Variants in ZFHX3 observed in about 807,000 individuals in gnomAD.
The protein encoded by ZFHX3 is zinc finger homeobox protein 3.
A neutral mutation model predicts 279.1 loss-of-function variants in ZFHX3; 42 were observed. The observed-to-expected ratio is 0.15, with a 90% confidence interval of 0.12 to 0.19. ZFHX3 has a LOEUF of 0.19. ZFHX3 is among the 10% of genes least tolerant of loss of function. The pLI is 1.00. For synonymous variants in ZFHX3, 2,293 were observed against 1,957.8 expected, an observed-to-expected ratio of 1.17 and a Z score of -4.52; for missense variants, 4,981 against 4,754.0, an observed-to-expected ratio of 1.05 and a Z score of -1.40.
intron 2 of ZFHX3, among the ~76,000 whole-genome samples, chr16:73,465,472 C>G (rs1056197441): frequency 1.3e-5 from 2 of 152,150 alleles, no homozygotes; most frequent in Non-Finnish European, 2.9e-5. Context: ...CCTCCTGGTG[C>G]CTCTGAGGTC....
At chr16:73,422,910 T>G (rs1448395148) in intron 3 of ZFHX3, among the ~76,000 whole-genome samples, 2 of 152,160 alleles carry the variant, frequency 1.3e-5, no homozygotes, top group Non-Finnish European at 2.9e-5. Flanking sequence ...AGGCTACAGG[T>G]TCTGGGAGGG....
intron 2 of ZFHX3, chr16:73,483,199 C>G (rs902878405): frequency 1.4e-5 from 5 of 345,370 alleles, no homozygotes; most frequent in South Asian, 2.2e-5. Context: ...AGGAAGAGAA[C>G]GCGTGGGCCC....
chr16:73,265,855 G>A (rs2013958877), intron 4 of ZFHX3, among the ~76,000 whole-genome samples: 1 of 152,206 alleles, frequency 6.6e-6, no homozygotes, highest in South Asian at 2.1e-4. Flanking sequence ...GCTGGTCAAA[G>A]CATAAAGGGT....
chr16:73,140,789 G>C (rs1213203620), intron 6 of ZFHX3, among the ~76,000 whole-genome samples: 1 of 152,170 alleles, frequency 6.6e-6, no homozygotes, highest in Non-Finnish European at 1.5e-5. Context: ...GGGAGGTGGA[G>C]GTTGCAGTGA....
chr16:73,419,660 A>C (rs1309718385), intron 3 of ZFHX3, among the ~76,000 whole-genome samples: 1 of 151,832 alleles, frequency 6.6e-6, no homozygotes, highest in Non-Finnish European at 1.5e-5. Flanking sequence ...CCCAGGCTGG[A>C]CTTGAACTGC....
intron 7 of ZFHX3, among the ~76,000 whole-genome samples, chr16:73,118,401 G>A (rs545157403): frequency 6.6e-6 from 1 of 152,198 alleles, no homozygotes; most frequent in East Asian, 1.9e-4. Context: ...TAGAGATGGG[G>A]TTTCATCATG....
At chr16:73,584,635 A>T (rs780942086) in intron 2 of ZFHX3, among the ~76,000 whole-genome samples, 1 of 152,226 alleles carries the variant, frequency 6.6e-6, no homozygotes, top group Non-Finnish European at 1.5e-5. Context: ...AAATTTTTGT[A>T]AAGTCAAAGA....
chr16:73,750,125 C>T (rs1035090637), intron 1 of ZFHX3, among the ~76,000 whole-genome samples: 1 of 152,140 alleles, frequency 6.6e-6, no homozygotes, highest in African/African-American at 2.4e-5. Flanking sequence ...GAGAAAGGAA[C>T]TCAATAGGGA....
intron 5 of ZFHX3, among the ~76,000 whole-genome samples, chr16:72,815,648 T>C (rs1360397441): frequency 6.6e-6 from 1 of 152,210 alleles, no homozygotes; most frequent in Non-Finnish European, 1.5e-5. Flanking sequence ...CTTTGAAGGC[T>C]TTTCTAAACT....
chr16:73,875,788 T>C (rs536649694), intron 1 of ZFHX3, among the ~76,000 whole-genome samples: 9 of 152,352 alleles, frequency 5.9e-5, no homozygotes, highest in East Asian at 1.9e-4. Flanking sequence ...TACATATGTA[T>C]GCAGTTACGC....
intron 1 of ZFHX3, among the ~76,000 whole-genome samples, chr16:73,691,878 G>A (rs1264615658): frequency 1.3e-5 from 2 of 152,180 alleles, no homozygotes; most frequent in Non-Finnish European, 2.9e-5. Flanking sequence ...TGTTTAAGGA[G>A]CACCTCCTCT....
At chr16:73,725,880 G>A (rs898858242) in intron 1 of ZFHX3, among the ~76,000 whole-genome samples, 1 of 152,112 alleles carries the variant, frequency 6.6e-6, no homozygotes, top group African/African-American at 2.4e-5. Flanking sequence ...CAACTCTGTG[G>A]TCACCCCACT....
intron 2 of ZFHX3, among the ~76,000 whole-genome samples, chr16:73,580,474 C>T (rs976090235): frequency 2.8e-5 from 4 of 144,184 alleles, no homozygotes; most frequent in South Asian, 2.3e-4. Context: ...GAGACTCCGT[C>T]TCAAAAAAAC....
At chr16:73,764,522 G>A (rs2053907015) in intron 1 of ZFHX3, among the ~76,000 whole-genome samples, 1 of 152,226 alleles carries the variant, frequency 6.6e-6, no homozygotes, top group African/African-American at 2.4e-5. Context: ...TGTAAAATTA[G>A]GTCAGCGGCT....
chr16:73,030,042 C>T (rs2144673416), intron 1 of ZFHX3, among the ~76,000 whole-genome samples: 1 of 152,204 alleles, frequency 6.6e-6, no homozygotes, highest in Non-Finnish European at 1.5e-5. Flanking sequence ...ACTAATAACC[C>T]AACATCTAAT....
chr16:73,855,015 C>T (rs988478921), intron 1 of ZFHX3, among the ~76,000 whole-genome samples: 3 of 152,194 alleles, frequency 2.0e-5, no homozygotes, highest in Admixed American at 6.5e-5. Context: ...TCTACAATCC[C>T]CAAGCCAGTA....
chr16:73,796,292 G>C (rs1463679293), intron 1 of ZFHX3: 5 of 152,178 alleles, frequency 3.3e-5, no homozygotes, highest in Non-Finnish European at 7.4e-5. Context: ...CAAAGAGACT[G>C]GGGAGTATCA....
intron 1 of ZFHX3, among the ~76,000 whole-genome samples, chr16:73,863,625 A>G (rs917702067): frequency 6.6e-6 from 1 of 152,220 alleles, no homozygotes; most frequent in Admixed American, 6.5e-5. Flanking sequence ...GTTATTTTAC[A>G]TGGCCTTCAT....
At chr16:72,889,548 G>A (rs1472645173) in intron 4 of ZFHX3, among the ~76,000 whole-genome samples, 183 bp downstream of exon 4, 1 of 151,622 alleles carries the variant, frequency 6.6e-6, no homozygotes, top group African/African-American at 2.4e-5. Context: ...AAGACAGAAA[G>A]GCGGGCAGGC....
Sources: allele counts gnomAD v4.1 joint callset (sites outside exome capture counted in the v4.1 genomes callset), GRCh38; gene constraint gnomAD v4.1.1; transcripts MANE v1.5; gene names NCBI Gene and HGNC (gene_info 2026-07-23, HGNC 2026-07-21).